PRKCA: variants seen among roughly 807,000 people sequenced by gnomAD.
The protein encoded by PRKCA is protein kinase C alpha.
In PRKCA, 27 loss-of-function variants were observed where a neutral mutation model predicts 87.0. The observed-to-expected ratio is 0.31, with a 90% CI of 0.23 to 0.43. The LOEUF (loss-of-function observed/expected upper bound fraction) is 0.43, where lower values mean the gene tolerates loss of function less well. Ranked by LOEUF, PRKCA falls within the 20% of genes least tolerant of loss-of-function variation. The pLI is 1.00. For synonymous variants in PRKCA, 329 were observed against 311.1 expected (o/e 1.06, Z -0.61); for missense variants, 518 against 852.3 (o/e 0.61, Z 4.88).
In PRKCA at chr17:66,481,346, C is replaced by T. The variant is rs141371006; in HGVS notation, c.206-14855C>T. On this transcript the variant is annotated intron_variant, in intron 2 of 16. Transcript: ENST00000413366. ...TTTGTTGACCAGAAGGTAAGTGAACCGAGTACTCCCTATCCACTGTGTGTC... is the reference window on the plus strand; with the variant it reads ...TTTGTTGACCAGAAGGTAAGTGAACTGAGTACTCCCTATCCACTGTGTGTC... Among the ~76,000 whole-genome samples, 46 of 152,228 alleles carry T rather than the reference C, an allele frequency of 3.0e-4. 1 individual carries two copies. In the South Asian group the frequency reaches 3.7e-3, roughly 12 times the overall value.
intron 3 of PRKCA, among the ~76,000 whole-genome samples, chr17:66,546,851 C>A (rs561859678): frequency 6.6e-6 from 1 of 152,144 alleles, no homozygotes; most frequent in Non-Finnish European, 1.5e-5. Context: ...TAATGTAAAT[C>A]TTTAATCAAT....
rs73342582 is a variant in PRKCA at position 66,603,360 on chromosome 17, C to T, written c.289-37995C>T. ...ATTGTTCCATTTTTAAGACAAAGGA[C>T]GACAGTTGGCCTTAAAAATAAATCT... On this transcript the variant is annotated intron_variant, in intron 3 of 16. Transcript: ENST00000413366. Among the ~76,000 whole-genome samples the T allele has an allele frequency of 3.0e-3, 454 of 152,192 alleles. 4 individuals carry two copies. Among genetic ancestry groups the T allele is most frequent in the African/African-American group, 0.01 (428 of 41,514 alleles).
chr17:66,720,326 A>G (rs1280566524), intron 8 of PRKCA, among the ~76,000 whole-genome samples: 1 of 152,230 alleles, frequency 6.6e-6, no homozygotes, highest in Non-Finnish European at 1.5e-5. Context: ...GAGCCAGAGA[A>G]CAGCGGACAT....
chr17:66,708,669 AT>A (rs1162500060), intron 8 of PRKCA, among the ~76,000 whole-genome samples: 2 of 152,138 alleles, frequency 1.3e-5, no homozygotes, highest in Non-Finnish European at 2.9e-5. Context: ...AAGTCATGCC[AT>A]ATACTTCTCA....
At chr17:66,400,085 A>G (rs953926492) in intron 2 of PRKCA, among the ~76,000 whole-genome samples, 2 of 152,136 alleles carry the variant, frequency 1.3e-5, no homozygotes, top group African/African-American at 2.4e-5. Flanking sequence ...TAATCTGTCA[A>G]TGAATAAAAT....
chr17:66,788,757 G>A, intron 15 of PRKCA, 82 bp from the exon 16 acceptor site: 1 of 1,516,904 alleles, frequency 6.6e-7, no homozygotes, highest in Non-Finnish European at 8.9e-7. Context: ...CAGGGCTGTA[G>A]GCAGAGCTAG....
chr17:66,382,086 C>T (rs1032822839), intron 2 of PRKCA, among the ~76,000 whole-genome samples: 13 of 151,964 alleles, frequency 8.6e-5, no homozygotes, highest in Non-Finnish European at 1.0e-4. Flanking sequence ...ACAGATGGAG[C>T]GGTGCAAGGC....
intron 3 of PRKCA, among the ~76,000 whole-genome samples, chr17:66,518,389 A>G (rs1967040753): frequency 6.6e-6 from 1 of 152,014 alleles, no homozygotes; most frequent in Non-Finnish European, 1.5e-5. Flanking sequence ...CTCCTAAGAA[A>G]CTCCTGTTTC....
intron 13 of PRKCA, among the ~76,000 whole-genome samples, chr17:66,765,418 C>CTCTATATATA (rs1555646685): frequency 2.0e-5 from 1 of 49,310 alleles, no homozygotes; most frequent in Non-Finnish European, 3.9e-5. Context: ...AAGACTTTGT[C>CTCTATATATA]TATATATATA....
intron 13 of PRKCA, among the ~76,000 whole-genome samples, chr17:66,755,727 G>A (rs1388338462): frequency 6.6e-6 from 1 of 152,118 alleles, no homozygotes; most frequent in Non-Finnish European, 1.5e-5. Flanking sequence ...TAGGAGCTTA[G>A]ACGTCATCGT....
chr17:66,481,381 G>A lies in PRKCA; in HGVS notation c.206-14820G>A, dbSNP rs188144782. The stretch of plus-strand genomic sequence containing the variant: ...CTATCCACTGTGTGTCTACATTCCT[G>A]CCAACCCCTGTATATATATGACAAC... On this transcript the variant is annotated intron_variant, in intron 2 of 16. Transcript: ENST00000413366. Among the ~76,000 whole-genome samples, 5 of 152,220 alleles carry A rather than the reference G, an allele frequency of 3.3e-5. No individual in the cohort carries two copies. In the East Asian group the frequency reaches 9.6e-4, roughly 29 times the overall value.
chr17:66,436,967 GGAT>G (rs1567828062), intron 2 of PRKCA, among the ~76,000 whole-genome samples: 1 of 152,148 alleles, frequency 6.6e-6, no homozygotes, highest in Non-Finnish European at 1.5e-5. Flanking sequence ...TTCAGCTGTG[GGAT>G]GATTGAGAAG....
At chr17:66,354,286 A>G (rs906406479) in intron 2 of PRKCA, among the ~76,000 whole-genome samples, 54 of 152,306 alleles carry the variant, frequency 3.5e-4, no homozygotes, top group Non-Finnish European at 6.5e-4. Flanking sequence ...AGTCATGTAC[A>G]TTTAGGGTTC....
At chr17:66,399,258 A>AT (rs1910879558) in intron 2 of PRKCA, among the ~76,000 whole-genome samples, 1 of 151,150 alleles carries the variant, frequency 6.6e-6, no homozygotes, top group Non-Finnish European at 1.5e-5. Context: ...TAATTTTTGT[A>AT]TTTTTTTGTA....
chr17:66,608,396 G>A (rs1970268625), intron 3 of PRKCA, among the ~76,000 whole-genome samples: 1 of 152,162 alleles, frequency 6.6e-6, no homozygotes, highest in African/African-American at 2.4e-5. Context: ...TTTCTTTCTT[G>A]AAGGTCCAGA....
At chr17:66,433,361 A>G (rs1053721540) in intron 2 of PRKCA, among the ~76,000 whole-genome samples, 3 of 152,154 alleles carry the variant, frequency 2.0e-5, no homozygotes, top group African/African-American at 7.2e-5. Flanking sequence ...TCCTATAAAC[A>G]TAGTCAAGAG....
chr17:66,521,686 G>A (rs1259865369), intron 3 of PRKCA, among the ~76,000 whole-genome samples: 1 of 152,154 alleles, frequency 6.6e-6, no homozygotes, highest in Non-Finnish European at 1.5e-5. Context: ...TTGAAAAGAA[G>A]GACTTTATGC....
chr17:66,774,516 G>A, intron 14 of PRKCA: 1 of 698,044 alleles, frequency 1.4e-6, no homozygotes, highest in Non-Finnish European at 1.8e-6. Flanking sequence ...AGCTACTTGA[G>A]CTACTGAGGC....
intron 2 of PRKCA, among the ~76,000 whole-genome samples, chr17:66,355,410 A>T (rs532964938): frequency 6.6e-6 from 1 of 152,254 alleles, no homozygotes; most frequent in South Asian, 2.1e-4. Context: ...TGCAGTGGTG[A>T]TGGAGCTCCT....
Sources: allele counts gnomAD v4.1 joint callset (sites outside exome capture counted in the v4.1 genomes callset), GRCh38; gene constraint gnomAD v4.1.1; transcripts MANE v1.5; gene names NCBI Gene and HGNC (gene_info 2026-07-23, HGNC 2026-07-21).